Variants in SLC35D4 observed in about 807,000 individuals in gnomAD.
The protein encoded by SLC35D4 is UDP-N-acetylglucosamine transporter SLC35D4.
the SLC35D4 span, among the ~76,000 whole-genome samples, chr18:23,304,852 T>C: frequency 6.6e-6 from 1 of 152,316 alleles, no homozygotes; most frequent in African/African-American, 2.4e-5. Context: ...CCTCTTCCTC[T>C]GCATAAGGCC....
the SLC35D4 span, among the ~76,000 whole-genome samples, chr18:23,247,774 GCAGA>G: frequency 6.6e-6 from 1 of 152,370 alleles, no homozygotes; most frequent in Non-Finnish European, 1.5e-5. Context: ...AGAGAGCACA[GCAGA>G]CAGGAGGCCA....
At chr18:23,268,865 T>A in the SLC35D4 span, among the ~76,000 whole-genome samples, 1 of 152,150 alleles carries the variant, frequency 6.6e-6, no homozygotes, top group South Asian at 2.1e-4. Flanking sequence ...CATGGCTTAC[T>A]TCCCATAATG....
the SLC35D4 span, among the ~76,000 whole-genome samples, chr18:23,357,820 T>C: frequency 1.3e-5 from 2 of 152,198 alleles, no homozygotes; most frequent in Non-Finnish European, 2.9e-5. Flanking sequence ...TTTCTTTGTG[T>C]TGTTTCTGCG....
At chr18:23,416,120 A>C in the SLC35D4 span, among the ~76,000 whole-genome samples, 7 of 152,186 alleles carry the variant, frequency 4.6e-5, no homozygotes, top group African/African-American at 1.7e-4. Context: ...CTAAGGCAGG[A>C]GAATTGCTTG....
the SLC35D4 span, among the ~76,000 whole-genome samples, chr18:23,389,699 C>T: frequency 6.6e-6 from 1 of 152,162 alleles, no homozygotes; most frequent in Non-Finnish European, 1.5e-5. Context: ...CCACCACGCC[C>T]AGCTAATTTT....
chr18:23,314,565 T>TA, the SLC35D4 span, among the ~76,000 whole-genome samples: 1 of 152,334 alleles, frequency 6.6e-6, no homozygotes, highest in Admixed American at 6.5e-5. Context: ...AAAATGTTAG[T>TA]AAAAGCATAA....
the SLC35D4 span, among the ~76,000 whole-genome samples, chr18:23,286,427 C>T: frequency 1.9e-4 from 29 of 152,246 alleles, no homozygotes; most frequent in African/African-American, 5.3e-4. Flanking sequence ...AAATCGGACT[C>T]TTCAACTCAC....
the SLC35D4 span, among the ~76,000 whole-genome samples, chr18:23,403,646 TA>T: frequency 2.4e-3 from 371 of 152,280 alleles, 4 homozygotes; most frequent in African/African-American, 8.4e-3. Flanking sequence ...GGAACAGGGT[TA>T]GGGGTGGTGC....
At chr18:23,384,654 A>G in the SLC35D4 span, among the ~76,000 whole-genome samples, 2 of 152,148 alleles carry the variant, frequency 1.3e-5, no homozygotes, top group Non-Finnish European at 2.9e-5. Context: ...ACCCTGTGTA[A>G]AACTCTGCTA....
the SLC35D4 span, among the ~76,000 whole-genome samples, chr18:23,240,651 G>A: frequency 6.6e-6 from 1 of 152,234 alleles, no homozygotes; most frequent in African/African-American, 2.4e-5. Flanking sequence ...CAATTATGCA[G>A]AGCTGCTCAC....
At chr18:23,239,330 G>A in the SLC35D4 span, among the ~76,000 whole-genome samples, 9 of 152,212 alleles carry the variant, frequency 5.9e-5, 1 homozygote, top group East Asian at 1.5e-3. Flanking sequence ...ATGGAATTGC[G>A]CATGGACTGC....
At chr18:23,284,658 C>A in the SLC35D4 span, among the ~76,000 whole-genome samples, 1 of 152,220 alleles carries the variant, frequency 6.6e-6, no homozygotes, top group Admixed American at 6.5e-5. Context: ...GCTCCCAAGG[C>A]CTAGTCACTC....
At chr18:23,374,647 G>C in the SLC35D4 span, among the ~76,000 whole-genome samples, 1 of 151,872 alleles carries the variant, frequency 6.6e-6, no homozygotes, top group Non-Finnish European at 1.5e-5. Flanking sequence ...CACCTCACCA[G>C]GCTAATTTTG....
chr18:23,335,107 T>G, the SLC35D4 span, among the ~76,000 whole-genome samples: 2 of 152,022 alleles, frequency 1.3e-5, 1 homozygote, highest in Admixed American at 1.3e-4. Context: ...AATGGGTGAA[T>G]AACTACACTT....
the SLC35D4 span, among the ~76,000 whole-genome samples, chr18:23,308,876 C>CTCTCTCTCTCTCTGTGTGTG: frequency 7.1e-6 from 1 of 139,986 alleles, no homozygotes; most frequent in East Asian, 2.1e-4. Context: ...CTCTCTCTCT[C>CTCTCTCTCTCTCTGTGTGTG]TGTGTGTGTG....
the SLC35D4 span, among the ~76,000 whole-genome samples, chr18:23,260,729 C>T: frequency 1.3e-5 from 2 of 152,080 alleles, no homozygotes; most frequent in African/African-American, 2.4e-5. Context: ...GATGGGGGCG[C>T]GCCCTGACGT....
At chr18:23,325,846 G>A in the SLC35D4 span, among the ~76,000 whole-genome samples, 1 of 152,166 alleles carries the variant, frequency 6.6e-6, no homozygotes, top group Non-Finnish European at 1.5e-5. Context: ...ACCCCGTGTG[G>A]GTACAGCCAG....
At chr18:23,321,743 C>A in the SLC35D4 span, among the ~76,000 whole-genome samples, 1 of 152,178 alleles carries the variant, frequency 6.6e-6, no homozygotes, top group Non-Finnish European at 1.5e-5. Flanking sequence ...GTGTGAGCCA[C>A]CACACCTGGC....
chr18:23,374,892 A>T, the SLC35D4 span, among the ~76,000 whole-genome samples: 3 of 152,224 alleles, frequency 2.0e-5, no homozygotes, highest in East Asian at 5.8e-4. Flanking sequence ...AGGCGGGCAG[A>T]CCACTTGAGT....
Sources: gnomAD v4.1 joint callset for allele counts (sites outside exome capture counted in the v4.1 genomes callset) on GRCh38, gnomAD v4.1.1 for gene constraint, MANE v1.5 for transcripts, NCBI Gene and HGNC (gene_info 2026-07-23, HGNC 2026-07-21) for gene names.